The following FAM98B variants were observed in gnomAD, a reference collection of about 807,000 sequenced individuals.
The protein encoded by FAM98B is tRNA-splicing ligase complex subunit FAM98B.
FAM98B carries 32 observed loss-of-function variants against 43.9 expected under a neutral mutation model. The ratio of observed to expected loss-of-function variants is 0.73; its 90% CI spans 0.55 to 0.98. The LOEUF (loss-of-function observed/expected upper bound fraction) is 0.98, where lower values mean the gene tolerates loss of function less well. Among genes scored for constraint, FAM98B ranks in the 50% least tolerant of loss-of-function variants. The pLI is 0.00. For missense variants in FAM98B, 514 were observed against 522.9 expected (o/e 0.98, Z 0.17); for synonymous variants, 190 against 174.0 (o/e 1.09, Z -0.72).
At chr15:38,473,189 T>C (rs887854847) in intron 4 of FAM98B, among the ~76,000 whole-genome samples, 10 of 152,164 alleles carry the variant, frequency 6.6e-5, no homozygotes, top group African/African-American at 2.4e-4. Context: ...AAGAAAGTGC[T>C]ATCTTAAGTA....
intron 3 of FAM98B, among the ~76,000 whole-genome samples, chr15:38,467,446 A>G (rs931810436): frequency 1.3e-5 from 2 of 152,210 alleles, no homozygotes; most frequent in East Asian, 3.8e-4. Flanking sequence ...AAGCATGACA[A>G]GATGCACAAT....
chr15:38,473,636 G>A lies in FAM98B; in HGVS notation c.612+51G>A, dbSNP rs370979515. 5.1e-5 allele frequency: 71 copies of A among 1,397,658 alleles called. No individual in the cohort carries two copies. The East Asian group carries it at 1.5e-3, about 30-fold the overall frequency. The allele number at this position is 1,397,658 out of a possible 1,614,324, so 86.6% of individuals were successfully genotyped here. A position where few individuals can be genotyped will look rare whatever the true frequency, so the allele number is the denominator to read the frequency against. The stretch of plus-strand genomic sequence containing the variant: ...TTTATGTAATTACATTAGTGAATAT[G>A]ACTTAATTTTATAAATGAACATCTA... On this transcript the variant is annotated intron_variant, in intron 5 of 7. Transcript: ENST00000397609.
intron 3 of FAM98B, among the ~76,000 whole-genome samples, chr15:38,468,128 A>G (rs997225959): frequency 1.3e-5 from 2 of 152,242 alleles, no homozygotes; most frequent in Non-Finnish European, 2.9e-5. Flanking sequence ...CCTTGTTTGT[A>G]CTATTACATG....
intron 4 of FAM98B, among the ~76,000 whole-genome samples, chr15:38,472,593 A>G (rs914343914): frequency 1.3e-5 from 2 of 152,102 alleles, no homozygotes; most frequent in African/African-American, 2.4e-5. Context: ...TTAAACAACC[A>G]TCACCAAACT....
chr15:38,464,001 T>C, intron 1 of FAM98B, 31 bp from the exon 2 acceptor site: 1 of 1,565,356 alleles, frequency 6.4e-7, no homozygotes, highest in Non-Finnish European at 8.7e-7. Context: ...TTGGCTTATT[T>C]AGTTTTTAAC....
rs796595443 is a variant in FAM98B, at chr15:38,486,227, G to T, written c.*1568G>T. 1.6e-4 allele frequency: 24 copies of T among 152,014 alleles called. 1 individual carries two copies. Among genetic ancestry groups the T allele is most frequent in the Admixed American group, 7.2e-4 (11 of 15,278 alleles). The allele number at this position is 152,014 out of a possible 1,614,324, so 9.4% of individuals were successfully genotyped here. ...TTGGTTATTTGTAAATTTATTTTTT[G>T]TGTGTTTATATTTAATGAAAAGATG... is the stretch of plus-strand genomic sequence containing the variant. On this transcript the variant is annotated 3_prime_UTR_variant, in exon 8 of 8. Transcript: ENST00000397609.
chr15:38,474,045 A>C (rs1222960086), intron 5 of FAM98B, 137 bp from the exon 6 acceptor site: 1 of 604,162 alleles, frequency 1.7e-6, no homozygotes, highest in Non-Finnish European at 2.9e-6. Context: ...TTTACCATAA[A>C]GTCTCATGGG....
rs971150661 is a variant in FAM98B at position 38,469,770 on chromosome 15, G to A, written c.353-457G>A. ...TTCATTTTAGTTTTTTGCTTGTAGT[G>A]CCCTTTTTTTTTTTGTACCCATTCA... is the stretch of plus-strand genomic sequence containing the variant. On this transcript the variant is annotated intron_variant, in intron 3 of 7. Coordinates refer to ENST00000397609, the MANE Select transcript of FAM98B (RefSeq NM_173611.4). 2.0e-5 allele frequency among the ~76,000 whole-genome samples: 3 copies of A among 150,596 alleles called. 1 individual carries two copies. Among genetic ancestry groups the A allele is most frequent in the African/African-American group, 2.4e-5 (1 of 41,166 alleles).
At chr15:38,461,010 T>A (rs1889938092) in intron 1 of FAM98B, among the ~76,000 whole-genome samples, 1 of 152,254 alleles carries the variant, frequency 6.6e-6, no homozygotes, top group South Asian at 2.1e-4. Context: ...TAAATGCATT[T>A]ATTTGTTCCT....
At chr15:38,469,773 C>T (rs1890095485) in intron 3 of FAM98B, among the ~76,000 whole-genome samples, 3 of 144,620 alleles carry the variant, frequency 2.1e-5, no homozygotes, top group African/African-American at 2.5e-5. Flanking sequence ...TTGTAGTGCC[C>T]TTTTTTTTTT....
At chr15:38,462,620 A>G (rs1050012328) in intron 1 of FAM98B, among the ~76,000 whole-genome samples, 1 of 152,156 alleles carries the variant, frequency 6.6e-6, no homozygotes, top group African/African-American at 2.4e-5. Context: ...ATTTATACCT[A>G]TTTTAATATA....
intron 1 of FAM98B, among the ~76,000 whole-genome samples, chr15:38,457,826 AGATAAT>A (rs1889872884): frequency 1.3e-5 from 2 of 152,308 alleles, no homozygotes; most frequent in East Asian, 3.9e-4. Flanking sequence ...GATATTTATA[AGATAAT>A]GGGAGAGCAG....
chr15:38,463,528 A>AATAGAATAG (rs1157115085), intron 1 of FAM98B, among the ~76,000 whole-genome samples: 1,696 of 150,864 alleles, frequency 0.011, 19 homozygotes, highest in Non-Finnish European at 0.019. Flanking sequence ...AAATAAAATA[A>AATAGAATAG]AATAAAATAG....
rs988713156 is a variant in FAM98B, at chr15:38,487,574, T to A, written c.*2915T>A. On this transcript the variant is annotated 3_prime_UTR_variant, in exon 8 of 8. Transcript: ENST00000397609. ...CATTCCACAGAGGAATTTGAGTGAC[T>A]GAAATTTTTCCTCTTTCTTCATTGG... The A allele has an allele frequency of 5.9e-5, 9 of 152,126 alleles. No homozygotes were observed. The highest frequency in any genetic ancestry group is 2.2e-4 in the African/African-American group (9 of 41,458). The allele number at this position is 152,126 out of a possible 1,614,324, so 9.4% of individuals were successfully genotyped here. A position where few individuals can be genotyped will look rare whatever the true frequency, so the allele number is the denominator to read the frequency against.
chr15:38,472,023 C>T (rs775225629), intron 4 of FAM98B, among the ~76,000 whole-genome samples: 2 of 152,124 alleles, frequency 1.3e-5, no homozygotes, highest in Non-Finnish European at 2.9e-5. Context: ...AACTGAGGTA[C>T]TGAAAGATCT....
chr15:38,454,253 CT>C (rs562718867), intron 1 of FAM98B, 21 bp downstream of exon 1: 8 of 1,590,716 alleles, frequency 5.0e-6, no homozygotes, highest in East Asian at 2.3e-5. Context: ...TTGGAGACGC[CT>C]TTTCCCTGAA....
intron 6 of FAM98B, among the ~76,000 whole-genome samples, chr15:38,479,229 A>G (rs12441213): frequency 0.26 from 39,306 of 152,142 alleles, 5,441 homozygotes; most frequent in East Asian, 0.52. Flanking sequence ...CAGCCTCCCA[A>G]AGTGCTGAGA....
intron 4 of FAM98B, among the ~76,000 whole-genome samples, chr15:38,471,816 T>TA (rs373816466): frequency 7.9e-5 from 12 of 152,290 alleles, no homozygotes; most frequent in African/African-American, 2.9e-4. Context: ...TTATAACAGA[T>TA]ACATAGTGAT....
At chr15:38,461,400 T>C (rs779896264) in intron 1 of FAM98B, among the ~76,000 whole-genome samples, 2 of 152,154 alleles carry the variant, frequency 1.3e-5, no homozygotes, top group Non-Finnish European at 2.9e-5. Flanking sequence ...TTCCTTATAG[T>C]TGTAGACAGA....
Sources: allele counts gnomAD v4.1 joint callset (sites outside exome capture counted in the v4.1 genomes callset), GRCh38; gene constraint gnomAD v4.1.1; transcripts MANE v1.5; gene names NCBI Gene and HGNC (gene_info 2026-07-23, HGNC 2026-07-21).